MAST4: variants seen among roughly 807,000 people sequenced by gnomAD.
MAST4 encodes microtubule-associated serine/threonine-protein kinase 4.
A neutral mutation model predicts 162.7 loss-of-function variants in MAST4; 89 were observed. The observed-to-expected ratio is 0.55, with a 90% CI of 0.46 to 0.65. The LOEUF is 0.65. MAST4 is among the 30% of genes least tolerant of loss of function. The probability of loss-of-function intolerance (pLI) is 0.00; values close to 1 mark genes in which losing one functional copy is unlikely to be tolerated. For missense variants in MAST4, 3,153 were observed against 3,374.0 expected (o/e 0.93, Z 1.62); for synonymous variants, 1,479 against 1,361.1 (o/e 1.09, Z -1.91).
intron 4 of MAST4, among the ~76,000 whole-genome samples, chr5:67,046,114 A>G (rs564515979): frequency 2.6e-5 from 4 of 152,276 alleles, no homozygotes; most frequent in African/African-American, 9.6e-5. Flanking sequence ...CCTGGGGTCC[A>G]TAGACTATCC....
At chr5:66,670,442 C>T (rs186065398) in intron 1 of MAST4, among the ~76,000 whole-genome samples, 67 of 152,066 alleles carry the variant, frequency 4.4e-4, no homozygotes, top group African/African-American at 7.2e-4. Flanking sequence ...GATTCCTTCC[C>T]GAGTTTATTA....
chr5:66,892,884 A>T (rs1450693247), intron 3 of MAST4, among the ~76,000 whole-genome samples: 1 of 152,214 alleles, frequency 6.6e-6, no homozygotes, highest in Non-Finnish European at 1.5e-5. Flanking sequence ...TGTCCTGTCC[A>T]GGCAGCCAGC....
At chr5:66,762,733 T>A (rs543130112) in intron 2 of MAST4, among the ~76,000 whole-genome samples, 1 of 152,252 alleles carries the variant, frequency 6.6e-6, no homozygotes, top group Non-Finnish European at 1.5e-5. Flanking sequence ...TCTAATCTGT[T>A]ACTTAACAAC....
rs544400324 is a variant in MAST4 at position 66,965,100 on chromosome 5, A to T, written c.674+65118A>T. Among the ~76,000 whole-genome samples the T allele has an allele frequency of 7.3e-5, 11 of 151,318 alleles. No individual in the cohort carries two copies. The South Asian group carries it at 1.9e-3, about 26-fold the overall frequency. ...GAACTTTAGTTCTACTCTTCTGCTG[A>T]TGGGATTATACTTATTATTGTAAAA... On this transcript the variant is annotated intron_variant, in intron 4 of 28. Transcript: ENST00000403625.
At chr5:66,956,194 GT>G (rs907225168) in intron 4 of MAST4, among the ~76,000 whole-genome samples, 10 of 151,960 alleles carry the variant, frequency 6.6e-5, no homozygotes, top group Non-Finnish European at 1.5e-4. Flanking sequence ...CAGGTCATTT[GT>G]TCTGACTTTC....
At chr5:67,090,323 T>TCTC in intron 6 of MAST4, 92 bp downstream of exon 6, 2 of 581,066 alleles carry the variant, frequency 3.4e-6, no homozygotes, top group Non-Finnish European at 5.4e-6. Flanking sequence ...CCCCACTTCT[T>TCTC]CCCGTCCCCA....
At chr5:66,894,338 A>AT (rs1267075353) in intron 3 of MAST4, among the ~76,000 whole-genome samples, 7 of 152,174 alleles carry the variant, frequency 4.6e-5, no homozygotes, top group African/African-American at 1.7e-4. Flanking sequence ...AGGCTTCAGA[A>AT]TCACTGCTTG....
In MAST4 at chr5:67,165,595, C is replaced by T. The variant is rs769086987; in HGVS notation, c.6416C>T (p.Thr2139Met). 1.9e-5 allele frequency: 30 copies of T among 1,613,624 alleles called. No homozygotes were observed. The Admixed American group carries it at 3.5e-4, about 19-fold the overall frequency. ...HPSSIPPPPL[T>M]AKDLSSPAAR... ...AGCAGCATCCCTCCGCCCCCTCTGACGGCCAAAGACCTGTCCAGCCCGGCT... is the reference window on the plus strand; with the variant it reads ...AGCAGCATCCCTCCGCCCCCTCTGATGGCCAAAGACCTGTCCAGCCCGGCT... Residue 2139 changes from threonine to methionine, a missense_variant, in exon 29 of 29, where the codon ACG (threonine) becomes ATG (methionine). Around this residue, in one of 7 missense-constraint regions of MAST4, gnomAD observed 1,644 missense variants for 1,495.0 expected, o/e 1.10. Coordinates refer to ENST00000403625, the MANE Select transcript of MAST4 (RefSeq NM_001164664.2).
intron 1 of MAST4, among the ~76,000 whole-genome samples, chr5:66,723,239 A>T (rs1048097616): frequency 6.6e-5 from 10 of 152,182 alleles, no homozygotes; most frequent in African/African-American, 2.2e-4. Context: ...CTTGTCCAGA[A>T]TGTTAGTTGA....
chr5:66,633,986 G>A (rs1353036463), intron 1 of MAST4, among the ~76,000 whole-genome samples: 1 of 152,132 alleles, frequency 6.6e-6, no homozygotes, highest in Non-Finnish European at 1.5e-5. Context: ...AGGACACAGG[G>A]GAGACCTTCC....
intron 4 of MAST4, among the ~76,000 whole-genome samples, chr5:67,013,969 T>A (rs1275757763): frequency 6.6e-6 from 1 of 152,190 alleles, no homozygotes; most frequent in East Asian, 1.9e-4. Flanking sequence ...ACTTGAGATA[T>A]AATTCCTGTA....
Position 66,700,790 on chromosome 5 carries a change from T to TAC in MAST4, c.364-58918_364-58917insCA, listed in dbSNP as rs1301662032. ...GAGATTAAAAAAAAAATTATATATA[T>TAC]ATATATATATACACACACACACACA... is the stretch of plus-strand genomic sequence containing the variant. On this transcript the variant is annotated intron_variant, in intron 1 of 28. Transcript: ENST00000403625. Among the ~76,000 whole-genome samples, 253 of 106,832 alleles carry TAC rather than the reference T, an allele frequency of 2.4e-3. 1 individual carries two copies. Among genetic ancestry groups the TAC allele is most frequent in the African/African-American group, 9.1e-3 (237 of 26,166 alleles). The allele number at this position is 106,832 out of a possible 152,430, so 70.1% of individuals were successfully genotyped here.
chr5:66,793,371 AG>A (rs1755510394), intron 3 of MAST4, among the ~76,000 whole-genome samples: 1 of 152,198 alleles, frequency 6.6e-6, no homozygotes, highest in Admixed American at 6.5e-5. Context: ...TAATCTGAAG[AG>A]GGGAAAACTC....
chr5:67,129,977 C>T (rs1447984048), intron 14 of MAST4, among the ~76,000 whole-genome samples: 1 of 152,054 alleles, frequency 6.6e-6, no homozygotes, highest in Admixed American at 6.6e-5. Flanking sequence ...GAAGATGAAT[C>T]TGATGCCTGG....
rs536824008 is a variant in MAST4, at chr5:67,011,861, G to A, written c.675-42543G>A. Among the ~76,000 whole-genome samples, 43 of 152,296 alleles carry A rather than the reference G, an allele frequency of 2.8e-4. No individual in the cohort carries two copies. In the South Asian group the frequency reaches 4.1e-3, roughly 15 times the overall value. ...GTGAGACAAGGGGGAGGGAGGAAGC[G>A]AGGAAAGAGTGAGAGAGAAGGGAGA... On this transcript the variant is annotated intron_variant, in intron 4 of 28. Coordinates refer to ENST00000403625, the MANE Select transcript of MAST4 (RefSeq NM_001164664.2).
At chr5:66,637,963 A>G (rs1186134191) in intron 1 of MAST4, among the ~76,000 whole-genome samples, 7 of 152,226 alleles carry the variant, frequency 4.6e-5, no homozygotes, top group Admixed American at 3.9e-4. Flanking sequence ...TTGGCCTCCC[A>G]AAGAACTGGG....
intron 1 of MAST4, among the ~76,000 whole-genome samples, chr5:66,754,746 A>G (rs1249717517): frequency 6.6e-6 from 1 of 152,208 alleles, no homozygotes; most frequent in Non-Finnish European, 1.5e-5. Flanking sequence ...AAGATCTCAT[A>G]TGTCATGTGG....
chr5:67,114,882 C>T (rs1027434592), intron 12 of MAST4: 4 of 151,830 alleles, frequency 2.6e-5, no homozygotes, highest in Admixed American at 6.6e-5. Context: ...CCTGTCTCTA[C>T]TAAAAATGCA....
intron 1 of MAST4, among the ~76,000 whole-genome samples, chr5:66,606,228 A>G (rs537935010): frequency 4.0e-4 from 61 of 152,318 alleles, no homozygotes; most frequent in African/African-American, 1.4e-3. Flanking sequence ...TTGGGGGCAA[A>G]GCCTTTTTTG....
Sources: allele counts gnomAD v4.1 joint callset (sites outside exome capture counted in the v4.1 genomes callset), GRCh38; gene constraint gnomAD v4.1.1; regional missense constraint gnomAD v4.1.1; transcripts MANE v1.5; gene names NCBI Gene and HGNC (gene_info 2026-07-23, HGNC 2026-07-21).